The following SLC49A4 variants were observed in gnomAD, a reference collection of about 807,000 sequenced individuals.
The protein encoded by SLC49A4 is disrupted in renal cancer protein 2.
Under a neutral mutation model 50.6 loss-of-function variants are expected in SLC49A4, and 36 were observed. The ratio of observed to expected loss-of-function variants is 0.71; its 90% CI spans 0.55 to 0.94. SLC49A4 has a LOEUF of 0.94. SLC49A4 is among the 40% of genes least tolerant of loss of function. The probability of loss-of-function intolerance (pLI) is 0.00; values close to 1 mark genes in which losing one functional copy is unlikely to be tolerated. For synonymous variants in SLC49A4, 248 were observed against 241.2 expected (o/e 1.03, Z -0.26); for missense variants, 503 against 605.7 (o/e 0.83, Z 1.78).
At chr3:122,851,712 GTC>G (rs1432568039) in intron 5 of SLC49A4, among the ~76,000 whole-genome samples, 17 of 152,024 alleles carry the variant, frequency 1.1e-4, no homozygotes, top group Non-Finnish European at 2.4e-4. Context: ...TCTAGTCAGT[GTC>G]TCTTCAAAAC....
At chr3:122,864,178 A>G (rs899738644) in intron 7 of SLC49A4, among the ~76,000 whole-genome samples, 6 of 152,254 alleles carry the variant, frequency 3.9e-5, no homozygotes, top group East Asian at 3.8e-4. Flanking sequence ...CTGTTTTGAT[A>G]CATTTACTTG....
chr3:122,877,838 A>G (rs1210624201), intron 8 of SLC49A4, among the ~76,000 whole-genome samples: 5 of 152,212 alleles, frequency 3.3e-5, no homozygotes, highest in Non-Finnish European at 7.3e-5. Context: ...CAGAATGAAG[A>G]CAGGATCTCA....
chr3:122,795,587 G>T, intron 1 of SLC49A4, 52 bp downstream of exon 1: 3 of 1,538,570 alleles, frequency 1.9e-6, no homozygotes, highest in Non-Finnish European at 1.7e-6. Context: ...GGGAGCAGGC[G>T]CCTGCCCGCG....
chr3:122,843,830 G>A (rs1346231674), intron 4 of SLC49A4, among the ~76,000 whole-genome samples: 1 of 152,164 alleles, frequency 6.6e-6, no homozygotes, highest in Non-Finnish European at 1.5e-5. Context: ...AAGTGATGCT[G>A]CTTCCTTTCA....
At chr3:122,819,734 T>C (rs920486606) in intron 2 of SLC49A4, among the ~76,000 whole-genome samples, 5 of 152,178 alleles carry the variant, frequency 3.3e-5, no homozygotes, top group Admixed American at 2.6e-4. Flanking sequence ...ACCCTCTTTA[T>C]TGCCCACCTT....
intron 2 of SLC49A4, among the ~76,000 whole-genome samples, chr3:122,810,647 CAT>C (rs1560197034): frequency 6.6e-6 from 1 of 152,218 alleles, no homozygotes. Context: ...CGTAGGTAAA[CAT>C]GTGCAACACA....
At chr3:122,868,729 C>CATTTCCACATGTCCAAGTG (rs1937153919) in intron 7 of SLC49A4, among the ~76,000 whole-genome samples, 1 of 152,172 alleles carries the variant, frequency 6.6e-6, no homozygotes, top group Non-Finnish European at 1.5e-5. Context: ...TTACTTTCTG[C>CATTTCCACATGTCCAAGTG]ATTTCCACAT....
chr3:122,848,820 T>TA (rs1199473291), intron 5 of SLC49A4, among the ~76,000 whole-genome samples: 2 of 152,200 alleles, frequency 1.3e-5, no homozygotes, highest in African/African-American at 4.8e-5. Flanking sequence ...GTTGGGAACT[T>TA]ACAACTCTTC....
At chr3:122,795,599 T>C in intron 1 of SLC49A4, 64 bp downstream of exon 1, 1 of 1,521,388 alleles carries the variant, frequency 6.6e-7, no homozygotes, top group Non-Finnish European at 8.7e-7. Context: ...CTGCCCGCGC[T>C]CCAGGCCTGC....
intron 2 of SLC49A4, among the ~76,000 whole-genome samples, chr3:122,810,329 A>T (rs1936281122): frequency 6.6e-6 from 1 of 152,238 alleles, no homozygotes; most frequent in Admixed American, 6.5e-5. Context: ...CATCTTAGAT[A>T]AATAAGGAAC....
intron 7 of SLC49A4, among the ~76,000 whole-genome samples, chr3:122,860,629 A>G (rs1937049139): frequency 6.6e-6 from 1 of 152,214 alleles, no homozygotes; most frequent in African/African-American, 2.4e-5. Flanking sequence ...GTGTTATTCC[A>G]TCATTAATAC....
chr3:122,871,179 A>G (rs1435167225), intron 7 of SLC49A4, among the ~76,000 whole-genome samples: 29 of 152,180 alleles, frequency 1.9e-4, no homozygotes, highest in Non-Finnish European at 2.9e-5. Context: ...TTCCATATCT[A>G]TCTTCTATTC....
chr3:122,798,694 G>A (rs1338273095), intron 1 of SLC49A4, among the ~76,000 whole-genome samples: 2 of 133,898 alleles, frequency 1.5e-5, no homozygotes, highest in Non-Finnish European at 3.1e-5. Context: ...ACTCAGGCTG[G>A]AGTACAGTTG....
intron 6 of SLC49A4, among the ~76,000 whole-genome samples, chr3:122,857,068 A>G (rs1936998475): frequency 6.6e-6 from 1 of 152,132 alleles, no homozygotes; most frequent in Non-Finnish European, 1.5e-5. Context: ...CATTTGTAAA[A>G]GTGTCAATAG....
chr3:122,856,711 C>T (rs976529690), intron 6 of SLC49A4, among the ~76,000 whole-genome samples: 3 of 151,998 alleles, frequency 2.0e-5, no homozygotes, highest in African/African-American at 7.3e-5. Context: ...TGATGAGCGC[C>T]TGTAGTCCCA....
chr3:122,806,668 G>T (rs1455018613), intron 1 of SLC49A4, among the ~76,000 whole-genome samples, 189 bp from the exon 2 acceptor site: 1 of 150,512 alleles, frequency 6.6e-6, no homozygotes, highest in Non-Finnish European at 1.5e-5. Context: ...GAGCCACCAT[G>T]CCCAGCCCAT....
chr3:122,819,608 A>G (rs1936422876), intron 2 of SLC49A4, among the ~76,000 whole-genome samples: 1 of 152,204 alleles, frequency 6.6e-6, no homozygotes, highest in African/African-American at 2.4e-5. Flanking sequence ...ATTTTTGTGA[A>G]AGAAAACTGA....
intron 7 of SLC49A4, among the ~76,000 whole-genome samples, chr3:122,866,612 C>T (rs143853948): frequency 5.3e-5 from 8 of 152,276 alleles, no homozygotes; most frequent in Non-Finnish European, 1.0e-4. Flanking sequence ...ACATAGCTTG[C>T]AGAGAACAAG....
At chr3:122,811,269 T>C (rs1936293818) in intron 2 of SLC49A4, among the ~76,000 whole-genome samples, 1 of 152,154 alleles carries the variant, frequency 6.6e-6, no homozygotes, top group Non-Finnish European at 1.5e-5. Context: ...GAAGTTGAAA[T>C]ATAAATGGCA....
Sources: gnomAD v4.1 joint callset for allele counts (sites outside exome capture counted in the v4.1 genomes callset) on GRCh38, gnomAD v4.1.1 for gene constraint, MANE v1.5 for transcripts, NCBI Gene and HGNC (gene_info 2026-07-23, HGNC 2026-07-21) for gene names.